Variants in CACNA2D4 observed in about 807,000 individuals in gnomAD.
CACNA2D4 encodes the protein voltage-dependent calcium channel subunit alpha-2/delta-4.
Under a neutral mutation model 163.8 loss-of-function variants are expected in CACNA2D4, and 157 were observed. The observed-to-expected ratio is 0.96, with a 90% CI of 0.84 to 1.09. The LOEUF (loss-of-function observed/expected upper bound fraction) is 1.09, where lower values mean the gene tolerates loss of function less well. Ranked by LOEUF, CACNA2D4 falls within the 50% of genes least tolerant of loss-of-function variation. The pLI is 0.00. For missense variants in CACNA2D4, 1,410 were observed against 1,479.9 expected (o/e 0.95, Z 0.78); for synonymous variants, 598 against 586.9 (o/e 1.02, Z -0.27).
Position 1,918,154 on chromosome 12 carries a change from C to A in CACNA2D4, c.227+93G>T. On this transcript the variant is annotated intron_variant, in intron 1 of 37. Transcript: ENST00000382722. ...GAAAAGCCCAGAGGGAGGGCAGGGG[C>A]GGGAGGAGTGGGCAGAGGATGGAGG... 4.5e-6 allele frequency: 4 copies of A among 882,696 alleles called. No individual in the cohort carries two copies. The East Asian group carries it at 8.1e-5, about 18-fold the overall frequency. 54.7% of individuals were successfully genotyped at this position (882,696 alleles called of 1,614,324 possible).
chr12:1,808,012 C>A (rs540041086), intron 29 of CACNA2D4, among the ~76,000 whole-genome samples: 1 of 151,992 alleles, frequency 6.6e-6, no homozygotes, highest in African/African-American at 2.4e-5. Flanking sequence ...AAATATAAAT[C>A]TCTGAGTAAT....
intron 6 of CACNA2D4, among the ~76,000 whole-genome samples, chr12:1,889,432 G>T (rs923196993): frequency 6.6e-6 from 1 of 152,158 alleles, no homozygotes; most frequent in African/African-American, 2.4e-5. Context: ...TAAAGAGATG[G>T]AAGCACAAAA....
chr12:1,882,794 A>G, intron 13 of CACNA2D4, 73 bp downstream of exon 13: 1 of 1,543,232 alleles, frequency 6.5e-7, no homozygotes, highest in Non-Finnish European at 8.9e-7. Context: ...TGACCCAGGA[A>G]GTAACTTCTT....
At chr12:1,879,652 G>A (rs904483958) in intron 14 of CACNA2D4, among the ~76,000 whole-genome samples, 152 bp downstream of exon 14, 1 of 152,202 alleles carries the variant, frequency 6.6e-6, no homozygotes, top group East Asian at 1.9e-4. Flanking sequence ...AGAGTCTGGG[G>A]TAGCTACTCT....
intron 26 of CACNA2D4, among the ~76,000 whole-genome samples, chr12:1,818,616 C>T (rs538225085): frequency 1.3e-4 from 19 of 151,286 alleles, no homozygotes; most frequent in Admixed American, 2.0e-4. Flanking sequence ...CTCAAGTACC[C>T]AGGGACACAA....
intron 23 of CACNA2D4, 36 bp from the exon 24 acceptor site, chr12:1,846,725 G>A (rs775738674): frequency 2.1e-5 from 32 of 1,511,110 alleles, no homozygotes; most frequent in East Asian, 9.6e-5. Flanking sequence ...GTCACCACAT[G>A]GCTGTGGCAA....
chr12:1,897,309 T>A (rs899032163), intron 6 of CACNA2D4, among the ~76,000 whole-genome samples: 1 of 152,142 alleles, frequency 6.6e-6, no homozygotes, highest in African/African-American at 2.4e-5. Context: ...AGCTCTAATA[T>A]TTGATAGCAG....
intron 18 of CACNA2D4, among the ~76,000 whole-genome samples, chr12:1,873,938 C>T (rs970293421): frequency 6.6e-5 from 10 of 152,194 alleles, no homozygotes; most frequent in African/African-American, 2.4e-4. Context: ...CTAATTGCTG[C>T]AGGCAGATGC....
In CACNA2D4 at chr12:1,855,910, G is replaced by A. The variant is rs977277241; in HGVS notation, c.2152+102C>T. 4 of 810,762 alleles carry A rather than the reference G, an allele frequency of 4.9e-6. No individual in the cohort carries two copies. In the Admixed American group the frequency reaches 6.0e-5, roughly 12 times the overall value. The allele number at this position is 810,762 out of a possible 1,614,324, so 50.2% of individuals were successfully genotyped here. On this transcript the variant is annotated intron_variant, in intron 22 of 37. Coordinates refer to ENST00000382722, the MANE Select transcript of CACNA2D4 (RefSeq NM_172364.5). ...GCCATCCATGTGCTAATGGGATAGG[G>A]CTGTGCAGCAGCCTCCCCCTGCCTT...
At position 1,834,836 on chromosome 12, in the gene CACNA2D4, C is replaced by T. The variant is rs1352102216; in HGVS notation, c.2551+5903G>A. 8 of 1,433,270 alleles carry T rather than the reference C, an allele frequency of 5.6e-6. No individual in the cohort carries two copies. In the East Asian group the frequency reaches 1.5e-4, roughly 27 times the overall value. 88.8% of individuals were successfully genotyped at this position (1,433,270 alleles called of 1,614,324 possible). On this transcript the variant is annotated intron_variant, in intron 26 of 37. Transcript: ENST00000382722. This position sits in a 1 kb window ranked among gnomAD's most constrained non-coding sequence, Gnocchi z 7.6. The stretch of plus-strand genomic sequence containing the variant: ...ACTGCCTCCCCGAGTCCACCCTCCT[C>T]CCCGCCCTCCAGCAGACAAGCCACA...
At chr12:1,817,013 G>T (rs1863899238) in intron 26 of CACNA2D4, among the ~76,000 whole-genome samples, 1 of 152,346 alleles carries the variant, frequency 6.6e-6, no homozygotes, top group South Asian at 2.1e-4. Flanking sequence ...CTCCAGCTTT[G>T]CCCTCCTAGC....
rs4765862 is a variant in CACNA2D4, at chr12:1,910,879, A to T, written c.427-914T>A. On this transcript the variant is annotated intron_variant, in intron 3 of 37. Coordinates refer to ENST00000382722, the MANE Select transcript of CACNA2D4 (RefSeq NM_172364.5). The stretch of plus-strand genomic sequence containing the variant: ...TAGGGGAGTGATTGCTTACTTAGTA[A>T]CCGGATTCTGTTTGGGGCGATGAAA... Among the ~76,000 whole-genome samples, 20 of 152,034 alleles carry T rather than the reference A, an allele frequency of 1.3e-4. 1 individual carries two copies. The highest frequency in any genetic ancestry group is 4.8e-4 in the African/African-American group (20 of 41,440).
In CACNA2D4 at chr12:1,833,002, A is replaced by C. The variant is rs895517359; in HGVS notation, c.2551+7737T>G. Among the ~76,000 whole-genome samples the C allele has an allele frequency of 6.6e-6, 1 of 152,100 alleles. No homozygotes were observed. Among genetic ancestry groups the C allele is most frequent in the African/African-American group, 2.4e-5 (1 of 41,412 alleles). Reference sequence around the variant, plus strand: ...ATGTGAGGTTTGCTGCAGGCCACCGAGGTGTCAGCCGCACAGGGGAACTAG... The same window carrying C: ...ATGTGAGGTTTGCTGCAGGCCACCGCGGTGTCAGCCGCACAGGGGAACTAG... On this transcript the variant is annotated intron_variant, in intron 26 of 37. Coordinates refer to ENST00000382722, the MANE Select transcript of CACNA2D4 (RefSeq NM_172364.5). This position sits in a 1 kb window ranked among gnomAD's most constrained non-coding sequence, Gnocchi z 4.2.
In CACNA2D4 at chr12:1,885,006, G is replaced by A; in HGVS notation, c.1139C>T (p.Ala380Val). 6.2e-7 allele frequency: 1 copy of A among 1,613,848 alleles called. No homozygotes were observed. Among genetic ancestry groups the A allele is most frequent in the South Asian group, 1.1e-5 (1 of 91,070 alleles). Residue 380 changes from alanine to valine, a missense_variant, in exon 10 of 38, where the codon GCC becomes GTC. Transcript: ENST00000382722. Reference sequence around the variant, plus strand: ...GGGCACCTGCTTCAGGATCTGGAAGGCTTCTCTCAGGGCTTGGTCCACGAC... The same window carrying A: ...GGGCACCTGCTTCAGGATCTGGAAGACTTCTCTCAGGGCTTGGTCCACGAC... ...VGVVDQALRE[A>V]FQILKQFQEA...
intron 35 of CACNA2D4, 21 bp downstream of exon 35, chr12:1,797,397 G>A (rs1291620272): frequency 2.7e-6 from 4 of 1,499,362 alleles, no homozygotes; most frequent in Admixed American, 2.0e-5. Flanking sequence ...CGGGACGGGC[G>A]GCGCCGCCCT....
chr12:1,816,359 GC>G (rs1231505905), intron 26 of CACNA2D4, among the ~76,000 whole-genome samples: 6 of 152,136 alleles, frequency 3.9e-5, no homozygotes, highest in African/African-American at 1.4e-4. Context: ...TGCATGGTGG[GC>G]CCCTGTTTTA....
chr12:1,886,683 CT>C (rs2154449842), intron 7 of CACNA2D4, among the ~76,000 whole-genome samples: 1 of 152,326 alleles, frequency 6.6e-6, no homozygotes, highest in Non-Finnish European at 1.5e-5. Context: ...GAGAGCTGGG[CT>C]TCAGATTCTG....
At chr12:1,913,758 G>A (rs1866891635) in intron 2 of CACNA2D4, among the ~76,000 whole-genome samples, 1 of 152,236 alleles carries the variant, frequency 6.6e-6, no homozygotes, top group Non-Finnish European at 1.5e-5. Context: ...AGCTCTCACT[G>A]ACTGTGTATT....
Position 1,908,054 on chromosome 12 carries a change from A to G in CACNA2D4, c.487-17T>C. Reference sequence around the variant, plus strand: ...ATAGTCGAACTGGGGTGGACGGGTGAGGCCCACGGAGGCGGCCCGAGCACC... The same window carrying G: ...ATAGTCGAACTGGGGTGGACGGGTGGGGCCCACGGAGGCGGCCCGAGCACC... On this transcript the variant is annotated splice_polypyrimidine_tract_variant and intron_variant, in intron 4 of 37. Transcript: ENST00000382722. 6.3e-7 allele frequency: 1 copy of G among 1,597,288 alleles called. No homozygotes were observed. The highest frequency in any genetic ancestry group is 8.6e-7 in the Non-Finnish European group (1 of 1,168,462).
Sources: allele counts gnomAD v4.1 joint callset (sites outside exome capture counted in the v4.1 genomes callset), GRCh38; gene constraint gnomAD v4.1.1; non-coding constraint Gnocchi (gnomAD v3.1); transcripts MANE v1.5; gene names NCBI Gene and HGNC (gene_info 2026-07-23, HGNC 2026-07-21).